The following DGKB variants were observed in gnomAD, a reference collection of about 807,000 sequenced individuals.
The protein encoded by DGKB is diacylglycerol kinase beta, also known as 90 kDa diacylglycerol kinase.
In DGKB, 67 loss-of-function variants were observed where a neutral mutation model predicts 114.3. The observed-to-expected ratio is 0.59, with a 90% CI of 0.48 to 0.72. DGKB has a LOEUF of 0.72. Among genes scored for constraint, DGKB ranks in the 30% least tolerant of loss-of-function variants. DGKB has a pLI of 0.00. For synonymous variants in DGKB, 398 were observed against 323.1 expected, an observed-to-expected ratio of 1.23 and a Z score of -2.49; for missense variants, 907 against 975.2, an observed-to-expected ratio of 0.93 and a Z score of 0.93.
intron 1 of DGKB, among the ~76,000 whole-genome samples, chr7:14,876,502 G>A (rs887473339): frequency 4.6e-5 from 7 of 152,164 alleles, no homozygotes; most frequent in Admixed American, 6.5e-5. Context: ...TTTGGAGCTC[G>A]CCTTTGCAGC....
intron 23 of DGKB, among the ~76,000 whole-genome samples, chr7:14,303,892 A>T (rs1318218010): frequency 1.3e-5 from 2 of 152,138 alleles, no homozygotes; most frequent in African/African-American, 2.4e-5. Context: ...AGGATTGAAA[A>T]GTCTATCAAG....
intron 1 of DGKB, among the ~76,000 whole-genome samples, chr7:14,867,956 A>T (rs1265273636): frequency 1.3e-5 from 2 of 152,136 alleles, no homozygotes; most frequent in African/African-American, 4.8e-5. Flanking sequence ...GGTGCTCCCC[A>T]TTGGATTTAC....
chr7:14,669,242 C>T (rs1339776891), intron 13 of DGKB, among the ~76,000 whole-genome samples: 3 of 152,134 alleles, frequency 2.0e-5, no homozygotes, highest in South Asian at 4.1e-4. Flanking sequence ...TGGTTCTGGT[C>T]GGAATCCTCT....
intron 1 of DGKB, among the ~76,000 whole-genome samples, chr7:14,962,636 T>TTGTG (rs71004348): frequency 0.078 from 11,002 of 141,952 alleles, 430 homozygotes; most frequent in African/African-American, 0.089. Context: ...GTGTGTGTGT[T>TTGTG]TGTGTGTGTG....
chr7:14,666,655 A>AT (rs1198918656), intron 13 of DGKB, among the ~76,000 whole-genome samples: 2 of 151,896 alleles, frequency 1.3e-5, no homozygotes, highest in African/African-American at 2.4e-5. Flanking sequence ...TTCATCCTAC[A>AT]TTTTTTTGGA....
At position 14,902,662 on chromosome 7, in the gene DGKB, G is replaced by C. The variant is rs1783296247; in HGVS notation, c.-258C>G. ...GCCACTGCTTTTCCGGAGAGGAACTGGGACTAGCCAGTTCTCAGGATCCTT... is the reference window on the plus strand; with the variant it reads ...GCCACTGCTTTTCCGGAGAGGAACTCGGACTAGCCAGTTCTCAGGATCCTT... On this transcript the variant is annotated 5_prime_UTR_variant, in exon 1 of 26. Coordinates refer to ENST00000402815, the MANE Select transcript of DGKB (RefSeq NM_001350709.2). The C allele has an allele frequency of 6.6e-6, 1 of 152,164 alleles. No individual in the cohort carries two copies. The highest frequency in any genetic ancestry group is 2.4e-5 in the African/African-American group (1 of 41,406). 9.4% of individuals were successfully genotyped at this position (152,164 alleles called of 1,614,324 possible).
chr7:14,235,765 A>C (rs1472805985), intron 23 of DGKB, among the ~76,000 whole-genome samples: 2 of 152,038 alleles, frequency 1.3e-5, no homozygotes, highest in Non-Finnish European at 2.9e-5. Context: ...TAAAAAGCTA[A>C]TCTATCCTTG....
In DGKB at chr7:14,478,844, G is replaced by A. The variant is rs1584264344; in HGVS notation, c.1771-619C>T. On this transcript the variant is annotated intron_variant, in intron 20 of 25. Transcript: ENST00000402815. Reference sequence around the variant, plus strand: ...ACAAAGAGAAACATTTATTTTTGGGGAATTGGTGACAAATACAATTTGTTT... The same window carrying A: ...ACAAAGAGAAACATTTATTTTTGGGAAATTGGTGACAAATACAATTTGTTT... Among the ~76,000 whole-genome samples, 5 of 152,064 alleles carry A rather than the reference G, an allele frequency of 3.3e-5. No individual in the cohort carries two copies. In the South Asian group the frequency reaches 1.0e-3, roughly 32 times the overall value.
chr7:14,537,907 C>A (rs909764736), intron 20 of DGKB, among the ~76,000 whole-genome samples: 2 of 151,884 alleles, frequency 1.3e-5, no homozygotes, highest in Non-Finnish European at 2.9e-5. Context: ...ATGGAGAAAC[C>A]CCGTCTCTAC....
At chr7:14,771,921 G>A (rs1363285604) in intron 2 of DGKB, among the ~76,000 whole-genome samples, 6 of 152,148 alleles carry the variant, frequency 3.9e-5, no homozygotes, top group East Asian at 1.9e-4. Flanking sequence ...AGATTTCTCT[G>A]CACAGTAATA....
intron 21 of DGKB, among the ~76,000 whole-genome samples, chr7:14,438,733 TAGTA>T (rs898241618): frequency 2.0e-5 from 3 of 152,242 alleles, no homozygotes; most frequent in Non-Finnish European, 2.9e-5. Context: ...CTAGCAATCT[TAGTA>T]AGTGTTGGCA....
chr7:14,360,808 T>A (rs1046797282), intron 21 of DGKB, among the ~76,000 whole-genome samples: 31 of 151,924 alleles, frequency 2.0e-4, no homozygotes, highest in African/African-American at 7.2e-4. Flanking sequence ...AAAAAAGGAG[T>A]ATACATATAT....
chr7:14,301,215 A>G (rs1260710853), intron 23 of DGKB, among the ~76,000 whole-genome samples: 2 of 152,122 alleles, frequency 1.3e-5, no homozygotes, highest in African/African-American at 2.4e-5. Context: ...ATATATTTTT[A>G]AATTAAAATG....
intron 13 of DGKB, 115 bp downstream of exon 13, chr7:14,672,814 C>G (rs532519272): frequency 3.7e-6 from 2 of 540,044 alleles, no homozygotes; most frequent in South Asian, 3.7e-5. Context: ...TATTTTAGAT[C>G]TATATACTTC....
At chr7:14,662,175 T>G (rs1585451589) in intron 13 of DGKB, among the ~76,000 whole-genome samples, 1 of 151,180 alleles carries the variant, frequency 6.6e-6, no homozygotes, top group East Asian at 2.0e-4. Context: ...CTGCATGTTG[T>G]GCACATGTAC....
Position 14,689,199 on chromosome 7 carries a change from A to ATTTTT in DGKB, c.712-3842_712-3838dup, listed in dbSNP as rs551618345. 1.4e-3 allele frequency among the ~76,000 whole-genome samples: 109 copies of ATTTTT among 76,556 alleles called. 17 individuals are homozygous for ATTTTT. Among genetic ancestry groups the ATTTTT allele is most frequent in the African/African-American group, 3.1e-3 (75 of 24,278 alleles). The allele number at this position is 76,556 out of a possible 152,430, so 50.2% of individuals were successfully genotyped here. ...TGACAATGTGACAGAAACTCCTCTT[A>ATTTTT]TTTTTTTTTTTTTTTTTTTTTTTTT... On this transcript the variant is annotated intron_variant, in intron 9 of 25. Coordinates refer to ENST00000402815, the MANE Select transcript of DGKB (RefSeq NM_001350709.2).
chr7:14,799,751 A>C (rs549539531), intron 2 of DGKB, among the ~76,000 whole-genome samples: 60 of 152,284 alleles, frequency 3.9e-4, no homozygotes, highest in African/African-American at 1.4e-3. Flanking sequence ...GAATAACAGA[A>C]GGCTTTGCAG....
chr7:14,479,534 T>C (rs1782684337), intron 20 of DGKB, among the ~76,000 whole-genome samples: 1 of 152,196 alleles, frequency 6.6e-6, no homozygotes, highest in Non-Finnish European at 1.5e-5. Context: ...CCCTCTACGG[T>C]TTAATATTTA....
In DGKB at chr7:14,607,438, G is replaced by C. The variant is rs1804722976; in HGVS notation, c.1429C>G (p.Pro477Ala). The change falls in exon 17 of 26, where the codon CCA (proline) becomes GCA (alanine). Residue 477 changes from proline to alanine, a missense_variant. By Grantham distance (27) the Pro-to-Ala change is conservative. Around this residue, in one of 3 missense-constraint regions of DGKB, gnomAD observed 814 missense variants for 856.6 expected, o/e 0.95. Coordinates refer to ENST00000402815, the MANE Select transcript of DGKB (RefSeq NM_001350709.2). ...TAATATTATCCTTGGACTTACCCTG[G>C]CATTGGTCCATTTCCAGAAAGACTG... is the stretch of plus-strand genomic sequence containing the variant. ...VYSLSGNGPM[P>A]GLNFFRDVPD... 6.6e-7 allele frequency: 1 copy of C among 1,517,840 alleles called. No homozygotes were observed. Among genetic ancestry groups the C allele is most frequent in the Non-Finnish European group, 9.1e-7 (1 of 1,095,574 alleles). The allele number at this position is 1,517,840 out of a possible 1,614,324, so 94.0% of individuals were successfully genotyped here.
Sources: gnomAD v4.1 joint callset for allele counts (sites outside exome capture counted in the v4.1 genomes callset) on GRCh38, gnomAD v4.1.1 for gene constraint, gnomAD v4.1.1 regional missense constraint, MANE v1.5 for transcripts, NCBI Gene and HGNC (gene_info 2026-07-23, HGNC 2026-07-21) for gene names.